Variants in ANKRD18B observed in about 807,000 individuals in gnomAD.
ANKRD18B encodes ankyrin repeat domain-containing protein 18B.
In ANKRD18B, 75 loss-of-function variants were observed where a neutral mutation model predicts 111.8. The ratio of observed to expected loss-of-function variants is 0.67; its 90% CI spans 0.56 to 0.81. The LOEUF (loss-of-function observed/expected upper bound fraction) is 0.81. Ranked by LOEUF, ANKRD18B falls within the 40% of genes least tolerant of loss-of-function variation. The pLI is 0.00. For missense variants in ANKRD18B, 1,038 were observed against 1,225.5 expected, an observed-to-expected ratio of 0.85 and a Z score of 2.28; for synonymous variants, 356 against 417.3, an observed-to-expected ratio of 0.85 and a Z score of 1.79.
chr9:33,552,937 C>G (rs1387154003), intron 12 of ANKRD18B, among the ~76,000 whole-genome samples: 1 of 152,118 alleles, frequency 6.6e-6, no homozygotes, highest in African/African-American at 2.4e-5. Flanking sequence ...ATTATTCTCT[C>G]CATTTCATAG....
intron 1 of ANKRD18B, among the ~76,000 whole-genome samples, chr9:33,527,036 T>C (rs2117962278): frequency 6.6e-6 from 1 of 152,338 alleles, no homozygotes; most frequent in Non-Finnish European, 1.5e-5. Context: ...TTACCTGTTC[T>C]GCCTGAGCAA....
intron 16 of ANKRD18B, 61 bp downstream of exon 16, chr9:33,567,375 T>C: frequency 1.4e-6 from 2 of 1,420,914 alleles, no homozygotes; most frequent in African/African-American, 1.5e-5. Context: ...TTTGAAAGCA[T>C]AATTTTTAGT....
chr9:33,539,729 G>A (rs894023978), intron 7 of ANKRD18B, among the ~76,000 whole-genome samples: 1 of 152,074 alleles, frequency 6.6e-6, no homozygotes, highest in African/African-American at 2.4e-5. Context: ...GAAATGAGTA[G>A]ATCTTATCCT....
At chr9:33,533,340 T>C (rs935789064) in intron 3 of ANKRD18B, 99 bp from the exon 4 acceptor site, 108 of 1,498,798 alleles carry the variant, frequency 7.2e-5, no homozygotes, top group Non-Finnish European at 1.6e-5. Flanking sequence ...TTTCTGTCTA[T>C]ATTGCATGTT....
In ANKRD18B at chr9:33,550,448, C is replaced by G. The variant is rs1563904624; in HGVS notation, c.2086C>G (p.Gln696Glu). The change falls in exon 12 of 19, where the codon CAA (glutamine) becomes GAA (glutamate). Residue 696 changes from glutamine (Q) to glutamate (E), a missense_variant. By Grantham distance (29) the Gln-to-Glu change is conservative. Transcript: ENST00000684830. Reference sequence around the variant, plus strand: ...TTGTCAGGTGATTGTGAGAGAATTTCAAGAAGAACTGGTCGATCATCTTAA... The same window carrying G: ...TTGTCAGGTGATTGTGAGAGAATTTGAAGAAGAACTGGTCGATCATCTTAA... The part of the protein sequence containing the change: ...AEREVIVREF[Q>E]EELVDHLKKF... The G allele has an allele frequency of 7.1e-6, 11 of 1,540,010 alleles. No individual in the cohort carries two copies. The highest frequency in any genetic ancestry group is 9.6e-6 in the Non-Finnish European group (11 of 1,142,926).
At chr9:33,535,279 T>C (rs1385541153) in intron 5 of ANKRD18B, among the ~76,000 whole-genome samples, 2 of 151,818 alleles carry the variant, frequency 1.3e-5, no homozygotes, top group African/African-American at 4.8e-5. Context: ...CTACAGTGTT[T>C]TGTTTTGTTT....
rs1349588786 is a variant in ANKRD18B at position 33,555,704 on chromosome 9, C to T, written c.2218-4C>T. 1.2e-5 allele frequency: 13 copies of T among 1,115,758 alleles called. No individual in the cohort carries two copies. Among genetic ancestry groups the T allele is most frequent in the South Asian group, 2.3e-5 (1 of 43,818 alleles). The allele number at this position is 1,115,758 out of a possible 1,614,324, so 69.1% of individuals were successfully genotyped here. A position where few individuals can be genotyped will look rare whatever the true frequency, so the allele number is the denominator to read the frequency against. The stretch of plus-strand genomic sequence containing the variant: ...AAAAATAATTTTAAACACTTTTTTT[C>T]AAGCCTGAAGAAAAACATGAAGAAT... On this transcript the variant is annotated splice_region_variant and splice_polypyrimidine_tract_variant and intron_variant, in intron 12 of 18. Transcript: ENST00000684830.
chr9:33,555,591 G>A, intron 12 of ANKRD18B, 117 bp from the exon 13 acceptor site: 2 of 780,100 alleles, frequency 2.6e-6, no homozygotes, highest in South Asian at 1.3e-4. Context: ...TTTGTAAAAT[G>A]CACTTTATAC....
intron 1 of ANKRD18B, among the ~76,000 whole-genome samples, chr9:33,527,682 A>G (rs57595474): frequency 0.02 from 3,074 of 152,278 alleles, 94 homozygotes; most frequent in African/African-American, 0.068. Flanking sequence ...TTGTTATTTC[A>G]GTGCTCTTTC....
At chr9:33,542,461 C>T (rs1241086411) in intron 9 of ANKRD18B, among the ~76,000 whole-genome samples, 1 of 151,094 alleles carries the variant, frequency 6.6e-6, no homozygotes, top group Non-Finnish European at 1.5e-5. Context: ...AGACTCACTG[C>T]AAACTGAAAC....
intron 10 of ANKRD18B, among the ~76,000 whole-genome samples, chr9:33,545,104 C>T (rs1207562761): frequency 6.6e-6 from 1 of 152,152 alleles, no homozygotes; most frequent in Non-Finnish European, 1.5e-5. Context: ...CATTTATACT[C>T]TGGGTCCCTC....
intron 3 of ANKRD18B, among the ~76,000 whole-genome samples, chr9:33,530,150 T>G (rs1315115289): frequency 1.3e-5 from 2 of 152,152 alleles, no homozygotes; most frequent in Non-Finnish European, 2.9e-5. Flanking sequence ...GCCATGTGGG[T>G]GAGAGATGAA....
intron 12 of ANKRD18B, among the ~76,000 whole-genome samples, chr9:33,554,856 T>G (rs1272750909): frequency 6.6e-6 from 1 of 152,040 alleles, no homozygotes; most frequent in East Asian, 1.9e-4. Context: ...ACAGTTACAG[T>G]GGTGTGAAAG....
intron 14 of ANKRD18B, among the ~76,000 whole-genome samples, chr9:33,561,599 G>A (rs953615779): frequency 6.6e-6 from 1 of 152,178 alleles, no homozygotes; most frequent in African/African-American, 2.4e-5. Flanking sequence ...GCCAAATGCA[G>A]TCACAAAGAT....
rs771895245 is a variant in ANKRD18B at position 33,534,402 on chromosome 9, T to C, written c.635T>C (p.Leu212Ser). 14 of 1,549,816 alleles carry C rather than the reference T, an allele frequency of 9.0e-6. No homozygotes were observed. In the South Asian group the frequency reaches 1.3e-4, roughly 15 times the overall value. The change falls in exon 5 of 19, where the codon TTG (leucine) becomes TCG (serine). Residue 212 changes from leucine (L) to serine (S), a missense_variant. Leu to Ser is a moderately radical substitution (Grantham distance 145). Transcript: ENST00000684830. ...CTCATACTTGCAGTACAGCATAACT[T>C]GTCAAGTATCGTCACCCTCCTGCTT... ...TALILAVQHNLSSIVTLLLQQ... is the reference protein window; with the variant it reads ...TALILAVQHNSSSIVTLLLQQ...
chr9:33,535,059 A>G (rs1245975915), intron 5 of ANKRD18B, among the ~76,000 whole-genome samples: 1 of 151,992 alleles, frequency 6.6e-6, no homozygotes, highest in African/African-American at 2.4e-5. Flanking sequence ...GGGGTTCCCT[A>G]AGCCCAAGGA....
chr9:33,526,490 G>A (rs1007610748), intron 1 of ANKRD18B, among the ~76,000 whole-genome samples: 11 of 152,088 alleles, frequency 7.2e-5, no homozygotes, highest in African/African-American at 2.2e-4. Flanking sequence ...TAACTTCTGA[G>A]CATTTGTATT....
chr9:33,537,350 T>TA (rs1319141820), intron 6 of ANKRD18B, among the ~76,000 whole-genome samples: 2 of 151,980 alleles, frequency 1.3e-5, no homozygotes, highest in Admixed American at 6.6e-5. Flanking sequence ...AAGAGCAGTT[T>TA]AAAAAAATAT....
At chr9:33,540,808 T>C (rs1828267788) in intron 8 of ANKRD18B, among the ~76,000 whole-genome samples, 1 of 152,060 alleles carries the variant, frequency 6.6e-6, no homozygotes, top group Non-Finnish European at 1.5e-5. Flanking sequence ...CCGTCATAGG[T>C]AGCATGTCAG....
Sources: allele counts gnomAD v4.1 joint callset (sites outside exome capture counted in the v4.1 genomes callset), GRCh38; gene constraint gnomAD v4.1.1; transcripts MANE v1.5; gene names NCBI Gene and HGNC (gene_info 2026-07-23, HGNC 2026-07-21).